Variants in PRKAR2B observed in about 807,000 individuals in gnomAD.
PRKAR2B encodes protein kinase cAMP-dependent type II regulatory subunit beta.
In PRKAR2B, 14 loss-of-function variants were observed where a neutral mutation model predicts 49.9. The observed-to-expected ratio is 0.28, with a 90% confidence interval of 0.19 to 0.44. The LOEUF (loss-of-function observed/expected upper bound fraction) is 0.44, where lower values mean the gene tolerates loss of function less well. PRKAR2B is among the 20% of genes least tolerant of loss of function. The pLI is 1.00. For missense variants in PRKAR2B, 393 were observed against 537.9 expected (o/e 0.73, Z 2.67); for synonymous variants, 196 against 197.7 (o/e 0.99, Z 0.07).
Position 107,058,757 on chromosome 7 carries a change from G to A in PRKAR2B, c.308-11524G>A, listed in dbSNP as rs1404586248. Among the ~76,000 whole-genome samples the A allele has an allele frequency of 2.6e-5, 4 of 152,122 alleles. No homozygotes were observed. The East Asian group carries it at 7.7e-4, about 29-fold the overall frequency. ...AGAATATTTTATGAAAAATATTTTA[G>A]GAGCACATTTTACATTAAAGTACAT... On this transcript the variant is annotated intron_variant, in intron 1 of 10. Coordinates refer to ENST00000265717, the MANE Select transcript of PRKAR2B (RefSeq NM_002736.3).
At chr7:107,101,603 C>T (rs3735613) in intron 2 of PRKAR2B, among the ~76,000 whole-genome samples, 60,269 of 152,074 alleles carry the variant, frequency 0.4, 14,676 homozygotes, top group Non-Finnish European at 0.51. Flanking sequence ...CAGGACCAAG[C>T]GTCAGGCTCT....
chr7:107,128,280 T>G lies in PRKAR2B; in HGVS notation c.465T>G (p.Phe155Leu), dbSNP rs773593350. Residue 155 changes from phenylalanine to leucine, a missense_variant, in exon 4 of 11, where the codon TTT becomes TTG. Transcript: ENST00000265717. Reference protein sequence around the residue: ...LQEACKDILLFKNLDPEQMSQ... With the variant: ...LQEACKDILLLKNLDPEQMSQ... ...AGGCTTGCAAAGACATCCTGCTGTT[T>G]AAGAATCTGGATCCGGTAAGATAAA... is the stretch of plus-strand genomic sequence containing the variant. 1.2e-6 allele frequency: 2 copies of G among 1,609,772 alleles called. No individual in the cohort carries two copies. Among genetic ancestry groups the G allele is most frequent in the Admixed American group, 3.3e-5 (2 of 59,974 alleles).
intron 2 of PRKAR2B, among the ~76,000 whole-genome samples, chr7:107,108,917 C>G (rs899500291): frequency 2.0e-5 from 3 of 152,194 alleles, no homozygotes; most frequent in Non-Finnish European, 4.4e-5. Context: ...CAAGTTCTTA[C>G]AGCAACAGTG....
chr7:107,126,266 A>C (rs1795487231), intron 3 of PRKAR2B, among the ~76,000 whole-genome samples: 5 of 142,792 alleles, frequency 3.5e-5, no homozygotes, highest in South Asian at 2.2e-4. Flanking sequence ...AAAAAAAAAA[A>C]AAACCAAAGC....
chr7:107,059,427 G>C (rs963700429), intron 1 of PRKAR2B, among the ~76,000 whole-genome samples: 1 of 151,914 alleles, frequency 6.6e-6, no homozygotes, highest in African/African-American at 2.4e-5. Flanking sequence ...TCTGGTATGT[G>C]GTTTTGTAGT....
At chr7:107,090,309 C>T (rs1466395812) in intron 2 of PRKAR2B, among the ~76,000 whole-genome samples, 2 of 152,168 alleles carry the variant, frequency 1.3e-5, no homozygotes, top group Non-Finnish European at 2.9e-5. Context: ...ATCGCCACTG[C>T]AGTTCCACAT....
chr7:107,132,451 CAG>C (rs767417153), intron 4 of PRKAR2B, among the ~76,000 whole-genome samples: 8 of 152,142 alleles, frequency 5.3e-5, no homozygotes, highest in South Asian at 2.1e-4. Flanking sequence ...GGGAGAAAAA[CAG>C]GGGAAGCAGA....
intron 4 of PRKAR2B, 92 bp from the exon 5 acceptor site, chr7:107,140,755 T>G (rs754334704): frequency 7.6e-5 from 65 of 851,106 alleles, no homozygotes; most frequent in Non-Finnish European, 1.2e-4. Flanking sequence ...TTCCATTTCT[T>G]TGGACTTGTT....
intron 5 of PRKAR2B, 124 bp from the exon 6 acceptor site, chr7:107,146,184 T>C: frequency 1.0e-6 from 1 of 972,902 alleles, no homozygotes; most frequent in Middle Eastern, 3.3e-4. Flanking sequence ...TCCCCTTTAT[T>C]GTCATCGGAG....
At chr7:107,064,637 A>G (rs545263981) in intron 1 of PRKAR2B, among the ~76,000 whole-genome samples, 33 of 152,302 alleles carry the variant, frequency 2.2e-4, no homozygotes, top group Non-Finnish European at 3.4e-4. Context: ...GGTACCCGCC[A>G]ACTATTATTC....
At chr7:107,109,334 A>T (rs772272155) in intron 2 of PRKAR2B, among the ~76,000 whole-genome samples, 29 of 151,914 alleles carry the variant, frequency 1.9e-4, no homozygotes, top group Non-Finnish European at 4.3e-4. Context: ...ATCTTGGCTC[A>T]CTGCAGCCTT....
At chr7:107,156,243 A>G (rs1422497822) in intron 8 of PRKAR2B, among the ~76,000 whole-genome samples, 1 of 152,072 alleles carries the variant, frequency 6.6e-6, no homozygotes, top group Non-Finnish European at 1.5e-5. Context: ...TGTTCTCCAC[A>G]TGTATCCCTG....
chr7:107,116,895 A>G (rs780709469), intron 2 of PRKAR2B, among the ~76,000 whole-genome samples: 41 of 146,804 alleles, frequency 2.8e-4, no homozygotes, highest in Admixed American at 6.8e-4. Flanking sequence ...ATATATATAT[A>G]TGTGTGTGTG....
intron 2 of PRKAR2B, among the ~76,000 whole-genome samples, chr7:107,114,947 T>TA (rs1795244001): frequency 6.6e-6 from 1 of 152,162 alleles, no homozygotes; most frequent in Non-Finnish European, 1.5e-5. Flanking sequence ...GTTAAAGGGC[T>TA]ACAAAAAATA....
rs753024850 is a variant in PRKAR2B at position 107,159,614 on chromosome 7, A to G, written c.*32A>G. 1.2e-6 allele frequency: 2 copies of G among 1,610,052 alleles called. No individual in the cohort carries two copies. The highest frequency in any genetic ancestry group is 1.7e-5 in the Admixed American group (1 of 59,870). Reference sequence around the variant, plus strand: ...AGTATGGAGCAAGACCTGTAGTGACAAAATTACACAGTAGTGGTTAGTCCA... The same window carrying G: ...AGTATGGAGCAAGACCTGTAGTGACGAAATTACACAGTAGTGGTTAGTCCA... On this transcript the variant is annotated 3_prime_UTR_variant, in exon 11 of 11. Coordinates refer to ENST00000265717, the MANE Select transcript of PRKAR2B (RefSeq NM_002736.3).
intron 6 of PRKAR2B, among the ~76,000 whole-genome samples, chr7:107,148,586 T>C (rs561915063): frequency 6.6e-6 from 1 of 152,350 alleles, no homozygotes; most frequent in South Asian, 2.1e-4. Context: ...TTAACATAAT[T>C]ACTTAGTATT....
chr7:107,057,242 T>A (rs945752152), intron 1 of PRKAR2B, among the ~76,000 whole-genome samples: 1 of 152,184 alleles, frequency 6.6e-6, no homozygotes, highest in Non-Finnish European at 1.5e-5. Flanking sequence ...AATGGACATA[T>A]CCACCCGCTT....
intron 2 of PRKAR2B, among the ~76,000 whole-genome samples, chr7:107,089,749 C>T (rs1472474648): frequency 6.6e-6 from 1 of 152,216 alleles, no homozygotes; most frequent in African/African-American, 2.4e-5. Context: ...TTGCTCAGCA[C>T]AATTGGTTGG....
intron 2 of PRKAR2B, among the ~76,000 whole-genome samples, chr7:107,083,699 G>A (rs1221197086): frequency 6.6e-6 from 1 of 151,962 alleles, no homozygotes; most frequent in Non-Finnish European, 1.5e-5. Context: ...TGCAACCTCC[G>A]CCTCCTGGGT....
Sources: allele counts gnomAD v4.1 joint callset (sites outside exome capture counted in the v4.1 genomes callset), GRCh38; gene constraint gnomAD v4.1.1; transcripts MANE v1.5; gene names NCBI Gene and HGNC (gene_info 2026-07-23, HGNC 2026-07-21).